OXCT1: variants seen among roughly 807,000 people sequenced by gnomAD.
The protein encoded by OXCT1 is succinyl-CoA:3-ketoacid coenzyme A transferase 1, mitochondrial.
In OXCT1, 27 loss-of-function variants were observed where a neutral mutation model predicts 69.6. That is an observed-to-expected ratio of 0.39 (90% CI 0.29 to 0.54). The LOEUF (loss-of-function observed/expected upper bound fraction) is 0.54, where lower values mean the gene tolerates loss of function less well. Among genes scored for constraint, OXCT1 ranks in the 20% least tolerant of loss-of-function variants. The pLI is 0.72. For synonymous variants in OXCT1, 202 were observed against 217.8 expected (o/e 0.93, Z 0.64); for missense variants, 437 against 650.2 (o/e 0.67, Z 3.57).
intron 13 of OXCT1, among the ~76,000 whole-genome samples, chr5:41,770,892 C>T (rs1744843593): frequency 6.6e-6 from 1 of 152,144 alleles, no homozygotes; most frequent in Non-Finnish European, 1.5e-5. Context: ...TAAAAAATTA[C>T]TTTACAGAAA....
chr5:41,862,056 C>G (rs142879940), intron 2 of OXCT1, among the ~76,000 whole-genome samples: 2,163 of 152,120 alleles, frequency 0.014, 101 homozygotes, highest in South Asian at 0.079. Flanking sequence ...ACTAAAAATA[C>G]AAAAATTAGC....
intron 7 of OXCT1, among the ~76,000 whole-genome samples, chr5:41,824,908 G>A (rs1043245698): frequency 3.9e-5 from 6 of 152,166 alleles, no homozygotes; most frequent in African/African-American, 1.4e-4. Flanking sequence ...TTTTGTCTGT[G>A]TCGGCAAAGC....
At chr5:41,780,313 G>A (rs1745333888) in intron 13 of OXCT1, among the ~76,000 whole-genome samples, 1 of 152,150 alleles carries the variant, frequency 6.6e-6, no homozygotes, top group South Asian at 2.1e-4. Flanking sequence ...TTTAAATAAT[G>A]ACATTGATAA....
intron 8 of OXCT1, 37 bp from the exon 9 acceptor site, chr5:41,805,718 G>C: frequency 7.5e-7 from 1 of 1,341,102 alleles, no homozygotes; most frequent in African/African-American, 1.4e-5. Flanking sequence ...TCGTGGTTGA[G>C]GTATGCTTTG....
chr5:41,847,773 C>A (rs542632676), intron 5 of OXCT1, among the ~76,000 whole-genome samples: 3 of 152,224 alleles, frequency 2.0e-5, no homozygotes, highest in African/African-American at 4.8e-5. Context: ...ATTGATGGGA[C>A]ATATCTCAAG....
At chr5:41,788,784 C>T (rs1009599798) in intron 13 of OXCT1, among the ~76,000 whole-genome samples, 4 of 152,104 alleles carry the variant, frequency 2.6e-5, no homozygotes, top group Admixed American at 6.5e-5. Context: ...CCATTTGATC[C>T]AATTGGCACT....
chr5:41,739,311 G>T, intron 16 of OXCT1, 79 bp downstream of exon 16: 1 of 949,952 alleles, frequency 1.1e-6, no homozygotes. Flanking sequence ...ACAAATTAAT[G>T]GTTCATGTCC....
chr5:41,763,984 G>T (rs1197316608), intron 13 of OXCT1, among the ~76,000 whole-genome samples: 1 of 152,142 alleles, frequency 6.6e-6, no homozygotes, highest in Non-Finnish European at 1.5e-5. Context: ...ACAAACCAGT[G>T]TGCTGGCAAG....
rs367604786 is a variant in OXCT1 at position 41,854,192 on chromosome 5, T to C, written c.279-638A>G. Among the ~76,000 whole-genome samples, 443 of 152,204 alleles carry C rather than the reference T, an allele frequency of 2.9e-3. 2 individuals are homozygous for C. Among genetic ancestry groups the C allele is most frequent in the African/African-American group, 0.01 (424 of 41,540 alleles). ...CAAAAACAAGCAAAAAAAAAATTAA[T>C]CACAAGCCAGTGAAGAGTGTTAAGT... On this transcript the variant is annotated intron_variant, in intron 3 of 16. Coordinates refer to ENST00000196371, the MANE Select transcript of OXCT1 (RefSeq NM_000436.4).
intron 8 of OXCT1, among the ~76,000 whole-genome samples, chr5:41,805,983 T>C (rs932911900): frequency 1.3e-5 from 2 of 152,070 alleles, no homozygotes; most frequent in African/African-American, 4.8e-5. Flanking sequence ...TCCAACTAAA[T>C]TCTCCTCTGG....
At chr5:41,737,321 G>A (rs1036104074) in intron 16 of OXCT1, among the ~76,000 whole-genome samples, 3 of 152,182 alleles carry the variant, frequency 2.0e-5, no homozygotes, top group African/African-American at 4.8e-5. Context: ...CATTGGAACA[G>A]CACCTTTTAT....
At chr5:41,852,362 A>G (rs1294064071) in intron 4 of OXCT1, among the ~76,000 whole-genome samples, 1 of 152,224 alleles carries the variant, frequency 6.6e-6, no homozygotes, top group Non-Finnish European at 1.5e-5. Flanking sequence ...CAAACACACC[A>G]TGATTTCATT....
intron 7 of OXCT1, among the ~76,000 whole-genome samples, chr5:41,819,087 A>G (rs1747399096): frequency 6.6e-6 from 1 of 152,184 alleles, no homozygotes; most frequent in Non-Finnish European, 1.5e-5. Context: ...GAAAACCACT[A>G]TTATTCTTAA....
At chr5:41,843,538 A>G (rs1353771789) in intron 5 of OXCT1, 10 of 456,048 alleles carry the variant, frequency 2.2e-5, no homozygotes, top group Non-Finnish European at 4.0e-5. Context: ...TATACTACCA[A>G]TTTTGGAGGG....
At chr5:41,832,373 GT>G (rs1748141159) in intron 7 of OXCT1, among the ~76,000 whole-genome samples, 1 of 151,490 alleles carries the variant, frequency 6.6e-6, no homozygotes, top group Non-Finnish European at 1.5e-5. Flanking sequence ...GATTCCACTT[GT>G]TTGGAGGAAA....
At chr5:41,808,189 G>A (rs984371256) in intron 7 of OXCT1, among the ~76,000 whole-genome samples, 1 of 151,958 alleles carries the variant, frequency 6.6e-6, no homozygotes, top group Admixed American at 6.6e-5. Context: ...AAAGAACAAG[G>A]ATCAAGAAAA....
At chr5:41,797,546 A>T (rs1475467487) in intron 11 of OXCT1, among the ~76,000 whole-genome samples, 1 of 152,186 alleles carries the variant, frequency 6.6e-6, no homozygotes, top group Admixed American at 6.5e-5. Flanking sequence ...TTCCTGATTG[A>T]TTTGTCTCCT....
intron 11 of OXCT1, among the ~76,000 whole-genome samples, chr5:41,797,056 A>G (rs892951523): frequency 1.3e-5 from 2 of 152,350 alleles, no homozygotes; most frequent in African/African-American, 4.8e-5. Flanking sequence ...GCAAATTCAG[A>G]TCCTCATCAG....
In OXCT1 at chr5:41,870,320, G is replaced by C. The variant is rs779623287; in HGVS notation, c.39C>G (p.Leu13=). The change falls in exon 1 of 17, where the codon CTC becomes CTG. Residue 13 remains leucine (L), a synonymous_variant. Coordinates refer to ENST00000196371, the MANE Select transcript of OXCT1 (RefSeq NM_000436.4). The surrounding 1 kb of genome is among the most constrained non-coding windows in gnomAD (Gnocchi z 4.2). ...ALKLLSSGLR[L]CASARGSGAT... ...CCCCAGATCCGCGGGCAGAGGCGCA[G>C]AGCCGAAGCCCGGAGGAGAGGAGTT... is the stretch of plus-strand genomic sequence containing the variant. The C allele has an allele frequency of 6.8e-6, 11 of 1,614,014 alleles. No homozygotes were observed. In the Admixed American group the frequency reaches 1.7e-4, roughly 24 times the overall value.
Sources: allele counts gnomAD v4.1 joint callset (sites outside exome capture counted in the v4.1 genomes callset), GRCh38; gene constraint gnomAD v4.1.1; non-coding constraint Gnocchi (gnomAD v3.1); transcripts MANE v1.5; gene names NCBI Gene and HGNC (gene_info 2026-07-23, HGNC 2026-07-21).